Variants in UTRN observed in about 807,000 individuals in gnomAD.
The protein encoded by UTRN is dystrophin-related protein 1.
UTRN carries 283 observed loss-of-function variants against 463.9 expected under a neutral mutation model. That is an observed-to-expected ratio of 0.61 (90% CI 0.55 to 0.67). The LOEUF is 0.67. Among genes scored for constraint, UTRN ranks in the 30% least tolerant of loss-of-function variants. The pLI is 0.00. For missense variants in UTRN, 3,922 were observed against 4,084.3 expected, an observed-to-expected ratio of 0.96 and a Z score of 1.08; for synonymous variants, 1,442 against 1,431.5, an observed-to-expected ratio of 1.01 and a Z score of -0.17.
chr6:144,829,299 C>T (rs548475186), intron 69 of UTRN, among the ~76,000 whole-genome samples: 1 of 152,166 alleles, frequency 6.6e-6, no homozygotes, highest in South Asian at 2.1e-4. Flanking sequence ...GATATATACT[C>T]CTACCCTTCA....
intron 41 of UTRN, among the ~76,000 whole-genome samples, chr6:144,528,032 ATTTTTTTTT>A (rs201546711): frequency 0.13 from 14,733 of 112,214 alleles, 1,521 homozygotes; most frequent in East Asian, 0.58. Context: ...AGCTAGTGTG[ATTTTTTTTT>A]TTTTTTTTTT....
chr6:144,588,331 T>C (rs1271315136), intron 51 of UTRN, among the ~76,000 whole-genome samples: 1 of 152,202 alleles, frequency 6.6e-6, no homozygotes, highest in Non-Finnish European at 1.5e-5. Context: ...ATTTTCTTAA[T>C]CAGAAAACTC....
chr6:144,576,609 C>T (rs1801460174), intron 50 of UTRN, among the ~76,000 whole-genome samples: 1 of 152,066 alleles, frequency 6.6e-6, no homozygotes, highest in Admixed American at 6.5e-5. Context: ...TAGCCACTGA[C>T]TGTAGGAGTA....
chr6:144,644,903 C>T (rs180874120), intron 51 of UTRN, among the ~76,000 whole-genome samples: 21 of 152,290 alleles, frequency 1.4e-4, no homozygotes, highest in Non-Finnish European at 1.5e-5. Context: ...AAGCTGCTTG[C>T]ACAAGGAAGT....
At chr6:144,416,330 C>T (rs1428803196) in intron 3 of UTRN, among the ~76,000 whole-genome samples, 1 of 152,012 alleles carries the variant, frequency 6.6e-6, no homozygotes, top group Non-Finnish European at 1.5e-5. Context: ...GAAGTTCTGC[C>T]CACAGTGAAC....
rs78532826 is a variant in UTRN, at chr6:144,515,388, A to G, written c.5244+568A>G. 7.4e-3 allele frequency among the ~76,000 whole-genome samples: 1,130 copies of G among 152,222 alleles called. 5 individuals are homozygous for G. Among genetic ancestry groups the G allele is most frequent in the Non-Finnish European group, 0.011 (757 of 68,014 alleles). On this transcript the variant is annotated intron_variant, in intron 37 of 74. Transcript: ENST00000367545. ...TTAGAATTGGTTATGAAATGATGAA[A>G]CTAATTCCCAAGCTAGGGATGAATA...
chr6:144,552,415 A>G (rs1384204507), intron 48 of UTRN, among the ~76,000 whole-genome samples: 1 of 152,172 alleles, frequency 6.6e-6, no homozygotes, highest in East Asian at 1.9e-4. Context: ...CCTCTGCTCT[A>G]GTGATACCAA....
intron 2 of UTRN, among the ~76,000 whole-genome samples, chr6:144,397,677 C>A (rs1191694778): frequency 1.3e-5 from 2 of 151,990 alleles, no homozygotes; most frequent in Non-Finnish European, 2.9e-5. Context: ...ATTGACTAGG[C>A]TTATTCTATC....
chr6:144,687,900 C>T (rs1196309948), intron 52 of UTRN, among the ~76,000 whole-genome samples: 5 of 152,156 alleles, frequency 3.3e-5, no homozygotes. Context: ...TAATCCCTAG[C>T]AAGGCTAGAG....
intron 2 of UTRN, among the ~76,000 whole-genome samples, chr6:144,390,247 A>G (rs1455371868): frequency 1.3e-5 from 2 of 152,144 alleles, no homozygotes; most frequent in African/African-American, 2.4e-5. Flanking sequence ...CCCAGCAGCA[A>G]CCTTCTCTCT....
chr6:144,470,511 G>A (rs62367654), intron 23 of UTRN, among the ~76,000 whole-genome samples: 4 of 151,330 alleles, frequency 2.6e-5, no homozygotes, highest in Admixed American at 2.0e-4. Flanking sequence ...GATGATGGGC[G>A]GCCAGGCAGA....
chr6:144,499,112 A>T, intron 33 of UTRN, 145 bp from the exon 34 acceptor site: 1 of 793,632 alleles, frequency 1.3e-6, no homozygotes, highest in African/African-American at 1.7e-5. Flanking sequence ...AGCTTAGAGG[A>T]TTCTAAGGTG....
intron 10 of UTRN, 88 bp from the exon 11 acceptor site, chr6:144,437,477 T>G: frequency 7.6e-7 from 1 of 1,314,908 alleles, no homozygotes; most frequent in Non-Finnish European, 1.0e-6. Flanking sequence ...ATCACTGACA[T>G]TTAGGTTAGG....
chr6:144,405,871 A>G (rs1783349955), intron 3 of UTRN, among the ~76,000 whole-genome samples: 1 of 152,228 alleles, frequency 6.6e-6, no homozygotes, highest in South Asian at 2.1e-4. Context: ...ATTAGAAAAA[A>G]TGGTGAGAGA....
At chr6:144,444,685 T>A (rs1344511866) in intron 14 of UTRN, among the ~76,000 whole-genome samples, 5 of 152,362 alleles carry the variant, frequency 3.3e-5, no homozygotes, top group East Asian at 3.9e-4. Context: ...TGTTGGGTGA[T>A]GTATTTGAAT....
At chr6:144,523,265 A>G in intron 41 of UTRN, 77 bp downstream of exon 41, 2 of 1,147,846 alleles carry the variant, frequency 1.7e-6, no homozygotes, top group East Asian at 2.8e-5. Flanking sequence ...TCATGTGGAC[A>G]CTGAGATTAA....
chr6:144,664,497 A>T (rs1780192780), intron 51 of UTRN, among the ~76,000 whole-genome samples: 2 of 140,316 alleles, frequency 1.4e-5, no homozygotes, highest in Non-Finnish European at 1.5e-5. Context: ...GGAGACATGG[A>T]CTTGCTGTGT....
At chr6:144,574,766 G>A (rs138161131) in intron 50 of UTRN, among the ~76,000 whole-genome samples, 257 of 152,186 alleles carry the variant, frequency 1.7e-3, no homozygotes, top group African/African-American at 5.9e-3. Flanking sequence ...ATTTTTAGTG[G>A]AGAAGGAATT....
At chr6:144,533,794 G>C (rs1375632664) in intron 43 of UTRN, among the ~76,000 whole-genome samples, 1 of 151,572 alleles carries the variant, frequency 6.6e-6, no homozygotes, top group Non-Finnish European at 1.5e-5. Context: ...TTTTATTTGG[G>C]CATCTTCCAG....
Sources: gnomAD v4.1 joint callset for allele counts (sites outside exome capture counted in the v4.1 genomes callset) on GRCh38, gnomAD v4.1.1 for gene constraint, MANE v1.5 for transcripts, NCBI Gene and HGNC (gene_info 2026-07-23, HGNC 2026-07-21) for gene names.